PRKN: variants seen among roughly 807,000 people sequenced by gnomAD.
PRKN encodes the protein parkin RBR E3 ubiquitin protein ligase, also known as E3 ubiquitin-protein ligase parkin.
In PRKN, 56 loss-of-function variants were observed where a neutral mutation model predicts 59.5. The observed-to-expected ratio is 0.94, with a 90% CI of 0.76 to 1.18. The LOEUF (loss-of-function observed/expected upper bound fraction) is 1.18. Among genes scored for constraint, PRKN ranks in the 50% most tolerant of loss-of-function variants. PRKN has a pLI of 0.00. For missense variants in PRKN, 657 were observed against 596.4 expected (o/e 1.10, Z -1.06); for synonymous variants, 250 against 222.1 (o/e 1.13, Z -1.12).
At chr6:162,161,195 G>A (rs1782741609) in intron 4 of PRKN, among the ~76,000 whole-genome samples, 1 of 152,178 alleles carries the variant, frequency 6.6e-6, no homozygotes, top group Admixed American at 6.5e-5. Flanking sequence ...CCAGCCATGG[G>A]CTGACCACGT....
At chr6:162,352,321 A>G (rs1784658161) in intron 2 of PRKN, among the ~76,000 whole-genome samples, 1 of 152,186 alleles carries the variant, frequency 6.6e-6, no homozygotes, top group African/African-American at 2.4e-5. Flanking sequence ...GGTTGTCACA[A>G]AGAACAAGGT....
intron 2 of PRKN, among the ~76,000 whole-genome samples, chr6:162,283,539 C>T (rs1022051199): frequency 1.3e-5 from 2 of 152,094 alleles, no homozygotes; most frequent in African/African-American, 4.8e-5. Context: ...TGAAAAAATC[C>T]TTAGAACAGT....
chr6:161,906,659 C>CATACATATATATATATATATATATAT (rs1554246315), intron 6 of PRKN, among the ~76,000 whole-genome samples: 5 of 116,628 alleles, frequency 4.3e-5, no homozygotes, highest in Non-Finnish European at 9.1e-5. Context: ...ATAGAACATA[C>CATACATATATATATATATATATATAT]ATATATATAT....
intron 2 of PRKN, among the ~76,000 whole-genome samples, chr6:162,337,636 G>A (rs941188800): frequency 3.9e-5 from 6 of 152,152 alleles, no homozygotes; most frequent in African/African-American, 7.2e-5. Context: ...TCTCAGTCTC[G>A]CTGGCAGCTG....
At chr6:161,542,376 A>G (rs999913004) in intron 9 of PRKN, among the ~76,000 whole-genome samples, 2 of 152,194 alleles carry the variant, frequency 1.3e-5, no homozygotes, top group Non-Finnish European at 2.9e-5. Context: ...CTGTACCTCA[A>G]AATCACGGAA....
Position 162,192,229 on chromosome 6 carries a change from A to T in PRKN, c.534+8902T>A, listed in dbSNP as rs190966388. 2.9e-3 allele frequency among the ~76,000 whole-genome samples: 440 copies of T among 152,240 alleles called. 3 individuals carry two copies. The highest frequency in any genetic ancestry group is 9.1e-3 in the African/African-American group (378 of 41,548). On this transcript the variant is annotated intron_variant, in intron 4 of 11. Transcript: ENST00000366898. ...CAATTTCCAATTATCTAAATTAATG[A>T]CTGCATGTCACTACTAACTGACAGA...
intron 3 of PRKN, among the ~76,000 whole-genome samples, chr6:162,215,275 C>T (rs868596787): frequency 3.3e-5 from 5 of 152,104 alleles, no homozygotes; most frequent in African/African-American, 9.7e-5. Flanking sequence ...TGAATAAAAA[C>T]GGTAAATATT....
intron 7 of PRKN, among the ~76,000 whole-genome samples, chr6:161,655,847 C>T (rs1183468823): frequency 6.7e-6 from 1 of 148,802 alleles, no homozygotes; most frequent in East Asian, 1.9e-4. Context: ...ACTCACCACA[C>T]AGGCATATCA....
chr6:161,589,427 A>G (rs1781635589), intron 7 of PRKN, among the ~76,000 whole-genome samples: 1 of 152,248 alleles, frequency 6.6e-6, no homozygotes, highest in African/African-American at 2.4e-5. Flanking sequence ...TATTCTAAGA[A>G]ATGAGGAGTA....
At chr6:162,462,207 C>T (rs941627226) in intron 1 of PRKN, among the ~76,000 whole-genome samples, 2 of 152,110 alleles carry the variant, frequency 1.3e-5, no homozygotes, top group African/African-American at 4.8e-5. Context: ...AACATGTTAA[C>T]TAATCAAAAA....
At chr6:162,136,916 A>C (rs1781581523) in intron 4 of PRKN, among the ~76,000 whole-genome samples, 1 of 152,132 alleles carries the variant, frequency 6.6e-6, no homozygotes, top group Non-Finnish European at 1.5e-5. Flanking sequence ...TTATTTATCC[A>C]CATTTATTAA....
At chr6:162,037,629 C>T (rs938909807) in intron 5 of PRKN, among the ~76,000 whole-genome samples, 3 of 151,892 alleles carry the variant, frequency 2.0e-5, no homozygotes, top group African/African-American at 7.3e-5. Context: ...TCACTGCAAC[C>T]CCTGCCTCCT....
At chr6:161,919,584 A>G (rs1778703281) in intron 6 of PRKN, among the ~76,000 whole-genome samples, 1 of 152,254 alleles carries the variant, frequency 6.6e-6, no homozygotes, top group Non-Finnish European at 1.5e-5. Flanking sequence ...TGTTCCTGTT[A>G]TAGGATCTTA....
At chr6:161,721,528 T>C (rs1185210274) in intron 7 of PRKN, among the ~76,000 whole-genome samples, 2 of 152,184 alleles carry the variant, frequency 1.3e-5, no homozygotes, top group Non-Finnish European at 2.9e-5. Flanking sequence ...TACTTCTTGA[T>C]AAAATAATAA....
chr6:161,829,536 G>A (rs1792391435), intron 6 of PRKN, among the ~76,000 whole-genome samples: 2 of 152,118 alleles, frequency 1.3e-5, no homozygotes, highest in South Asian at 2.1e-4. Flanking sequence ...AATTGAAACA[G>A]GTTTCCTGAG....
intron 6 of PRKN, among the ~76,000 whole-genome samples, chr6:161,881,852 A>C (rs1583293990): frequency 6.6e-6 from 1 of 152,172 alleles, no homozygotes; most frequent in Non-Finnish European, 1.5e-5. Context: ...ACTAGTGTCC[A>C]GAGGTTCTGG....
At chr6:162,380,507 GTGTATATATATATATA>G (rs71544931) in intron 2 of PRKN, among the ~76,000 whole-genome samples, 1 of 34,850 alleles carries the variant, frequency 2.9e-5, no homozygotes, top group Non-Finnish European at 5.8e-5. Flanking sequence ...ATATATATGT[GTGTATATATATATATA>G]TGTATATATA....
intron 5 of PRKN, among the ~76,000 whole-genome samples, chr6:162,020,910 C>T (rs561393139): frequency 2.3e-4 from 35 of 151,656 alleles, no homozygotes; most frequent in African/African-American, 8.5e-4. Context: ...CGAGATCAGC[C>T]TGGCCAACAT....
At chr6:162,519,243 C>T (rs772926795) in intron 1 of PRKN, among the ~76,000 whole-genome samples, 9 of 152,134 alleles carry the variant, frequency 5.9e-5, no homozygotes, top group South Asian at 2.1e-4. Context: ...ATTTAAAATA[C>T]GGAATAACTT....
Sources: gnomAD v4.1 joint callset for allele counts (sites outside exome capture counted in the v4.1 genomes callset) on GRCh38, gnomAD v4.1.1 for gene constraint, MANE v1.5 for transcripts, NCBI Gene and HGNC (gene_info 2026-07-23, HGNC 2026-07-21) for gene names.